The following TRIM3 variants were observed in gnomAD, a reference collection of about 807,000 sequenced individuals.
TRIM3 encodes tripartite motif containing 3, also known as tripartite motif-containing protein 3.
In TRIM3, 13 loss-of-function variants were observed where a neutral mutation model predicts 66.6. The observed-to-expected ratio is 0.20, with a 90% CI of 0.13 to 0.31. The LOEUF (loss-of-function observed/expected upper bound fraction) is 0.31, where lower values mean the gene tolerates loss of function less well. Among genes scored for constraint, TRIM3 ranks in the 10% least tolerant of loss-of-function variants. TRIM3 has a pLI of 1.00. For missense variants in TRIM3, 711 were observed against 1,020.4 expected (o/e 0.70, Z 4.13); for synonymous variants, 406 against 411.7 (o/e 0.99, Z 0.17).
In TRIM3 at chr11:6,458,482, A is replaced by G. The variant is rs1850090417; in HGVS notation, c.132-186T>C. On this transcript the variant is annotated intron_variant, in intron 2 of 11. Coordinates refer to ENST00000345851, the MANE Select transcript of TRIM3 (RefSeq NM_033278.4). This position sits in a 1 kb window ranked among gnomAD's most constrained non-coding sequence, Gnocchi z 6.2. ...ATGGCCTTGCCCCTTACAACTGAGT[A>G]GGAACACACCCCGACCCCTCTCAGA... The G allele has an allele frequency of 1.7e-6, 1 of 590,800 alleles. No homozygotes were observed. The highest frequency in any genetic ancestry group is 2.1e-5 in the South Asian group (1 of 47,798). 36.6% of individuals were successfully genotyped at this position (590,800 alleles called of 1,614,324 possible). A position where few individuals can be genotyped will look rare whatever the true frequency, so the allele number is the denominator to read the frequency against.
At chr11:6,453,612 T>C (rs538125090) in intron 7 of TRIM3, among the ~76,000 whole-genome samples, 58 of 152,322 alleles carry the variant, frequency 3.8e-4, no homozygotes, top group Non-Finnish European at 6.3e-4. Flanking sequence ...AAGAATGTGA[T>C]TTAACATTCT....
In TRIM3 at chr11:6,450,857, G is replaced by A. The variant is rs747521044; in HGVS notation, c.1870+35C>T. On this transcript the variant is annotated intron_variant, in intron 9 of 11. Transcript: ENST00000345851. The surrounding 1 kb of genome is among the most constrained non-coding windows in gnomAD (Gnocchi z 4.8). ...TCTAGGGGAGTTCTCTGGAACAGGG[G>A]TATCAGCATAGATCTTGGAGCTGTC... 1 of 1,611,558 alleles carries A rather than the reference G, an allele frequency of 6.2e-7. No homozygotes were observed. Among genetic ancestry groups the A allele is most frequent in the Non-Finnish European group, 8.5e-7 (1 of 1,178,164 alleles).
At chr11:6,471,809 A>G (rs887992612) in intron 1 of TRIM3, among the ~76,000 whole-genome samples, 1 of 152,198 alleles carries the variant, frequency 6.6e-6, no homozygotes, top group African/African-American at 2.4e-5. Context: ...TGAGAGACAA[A>G]TAGGACATTG....
At chr11:6,472,740 A>G (rs1415708489) in intron 1 of TRIM3, among the ~76,000 whole-genome samples, 1 of 152,204 alleles carries the variant, frequency 6.6e-6, no homozygotes, top group Non-Finnish European at 1.5e-5. Flanking sequence ...ACAAGTGAAT[A>G]AAGTCCCAAG....
rs746833836 is a variant in TRIM3, at chr11:6,456,040, T to C, written c.1533+32A>G. 3.4e-5 allele frequency: 55 copies of C among 1,598,874 alleles called. 1 individual carries two copies. The South Asian group carries it at 5.4e-4, about 16-fold the overall frequency. Reference sequence around the variant, plus strand: ...GCCTGTAGCTTGAAAACTCTTATTTTGGTGGTGGAGGAGAGCGGTAAAGGT... The same window carrying C: ...GCCTGTAGCTTGAAAACTCTTATTTCGGTGGTGGAGGAGAGCGGTAAAGGT... On this transcript the variant is annotated intron_variant, in intron 7 of 11. Coordinates refer to ENST00000345851, the MANE Select transcript of TRIM3 (RefSeq NM_033278.4). This position sits in a 1 kb window ranked among gnomAD's most constrained non-coding sequence, Gnocchi z 6.4.
chr11:6,455,190 T>C (rs1849910998), intron 7 of TRIM3, among the ~76,000 whole-genome samples: 1 of 152,054 alleles, frequency 6.6e-6, no homozygotes, highest in African/African-American at 2.4e-5. Context: ...ACATCAGAAG[T>C]TTCACTAGAT....
intron 1 of TRIM3, among the ~76,000 whole-genome samples, chr11:6,466,806 C>G (rs1312212563): frequency 2.6e-5 from 4 of 152,168 alleles, no homozygotes; most frequent in Non-Finnish European, 5.9e-5. Flanking sequence ...TGCTCTACCT[C>G]TGTGTCCCTC....
In TRIM3 at chr11:6,450,484, G is replaced by T. The variant is rs1466866448; in HGVS notation, c.1941+67C>A. 2.2e-6 allele frequency: 3 copies of T among 1,371,060 alleles called. No homozygotes were observed. Among genetic ancestry groups the T allele is most frequent in the South Asian group, 2.3e-5 (2 of 86,062 alleles). The allele number at this position is 1,371,060 out of a possible 1,614,324, so 84.9% of individuals were successfully genotyped here. On this transcript the variant is annotated intron_variant, in intron 10 of 11. Coordinates refer to ENST00000345851, the MANE Select transcript of TRIM3 (RefSeq NM_033278.4). This position sits in a 1 kb window ranked among gnomAD's most constrained non-coding sequence, Gnocchi z 4.8. Reference sequence around the variant, plus strand: ...AAGGGGAAAAGGAGGAGGTAAAATAGAGAGGAGTCTTGTGGAAGAGGAAAG... The same window carrying T: ...AAGGGGAAAAGGAGGAGGTAAAATATAGAGGAGTCTTGTGGAAGAGGAAAG...
chr11:6,457,955 A>G lies in TRIM3; in HGVS notation c.364-108T>C. 2 of 1,548,378 alleles carry G rather than the reference A, an allele frequency of 1.3e-6. No individual in the cohort carries two copies. The highest frequency in any genetic ancestry group is 1.8e-6 in the Non-Finnish European group (2 of 1,140,546). On this transcript the variant is annotated intron_variant, in intron 3 of 11. Coordinates refer to ENST00000345851, the MANE Select transcript of TRIM3 (RefSeq NM_033278.4). This position sits in a 1 kb window ranked among gnomAD's most constrained non-coding sequence, Gnocchi z 4.5. ...CCTTCTAAGTGCACCCCCTACCTGG[A>G]CCACTAATCCAGAGCAGTACCCTGT...
chr11:6,474,390 T>G (rs565941351), upstream of TRIM3: 14 of 152,256 alleles, frequency 9.2e-5, no homozygotes, highest in African/African-American at 3.4e-4. Context: ...CAGGAAGACG[T>G]AGAAACCGTC....
At chr11:6,469,248 G>A (rs1049999176) in intron 1 of TRIM3, among the ~76,000 whole-genome samples, 11 of 152,164 alleles carry the variant, frequency 7.2e-5, no homozygotes, top group African/African-American at 9.7e-5. Flanking sequence ...TCCAAGCCTA[G>A]GGGCTCTCCC....
chr11:6,450,869 A>T lies in TRIM3; in HGVS notation c.1870+23T>A. 12 of 1,613,668 alleles carry T rather than the reference A, an allele frequency of 7.4e-6. No homozygotes were observed. The highest frequency in any genetic ancestry group is 1.0e-5 in the Non-Finnish European group (12 of 1,179,748). ...CTCTGGAACAGGGGTATCAGCATAG[A>T]TCTTGGAGCTGTCCCCCTATACCTG... On this transcript the variant is annotated intron_variant, in intron 9 of 11. Coordinates refer to ENST00000345851, the MANE Select transcript of TRIM3 (RefSeq NM_033278.4). This position sits in a 1 kb window ranked among gnomAD's most constrained non-coding sequence, Gnocchi z 4.8.
chr11:6,470,248 G>A (rs953597376), intron 1 of TRIM3, among the ~76,000 whole-genome samples: 1 of 152,202 alleles, frequency 6.6e-6, no homozygotes, highest in Non-Finnish European at 1.5e-5. Flanking sequence ...CAATTTTGCA[G>A]GGGGATATCA....
In TRIM3 at chr11:6,448,992, C is replaced by G. The variant is rs775709454; in HGVS notation, c.*36G>C. 5.6e-6 allele frequency: 9 copies of G among 1,610,012 alleles called. No individual in the cohort carries two copies. The highest frequency in any genetic ancestry group is 2.2e-5 in the East Asian group (1 of 44,736). On this transcript the variant is annotated 3_prime_UTR_variant, in exon 12 of 12. Coordinates refer to ENST00000345851, the MANE Select transcript of TRIM3 (RefSeq NM_033278.4). The stretch of plus-strand genomic sequence containing the variant: ...CCCTCTTGTCCAATCACCCCAATGT[C>G]TGTCCCTCCACAAGCCAGGCAGGGC...
At position 6,456,368 on chromosome 11, in the gene TRIM3, G is replaced by C. The variant is rs2134177911; in HGVS notation, c.1358C>G (p.Pro453Arg). ...SHVRQKAVRR[P>R]SSMYSTGGKR... Reference sequence around the variant, plus strand: ...GCCGCCTGTGCTGTACATGGAGCTGGGCCTACGCACTGCCTTCTGGCGCAC... The same window carrying C: ...GCCGCCTGTGCTGTACATGGAGCTGCGCCTACGCACTGCCTTCTGGCGCAC... The change falls in exon 6 of 12, where the codon CCC becomes CGC. Residue 453 changes from proline to arginine, a missense_variant. This residue lies in a region of TRIM3 where 399 missense variants were observed against 458.1 expected (regional missense o/e 0.87). Transcript: ENST00000345851. The surrounding 1 kb of genome is among the most constrained non-coding windows in gnomAD (Gnocchi z 6.4). 1 of 1,533,124 alleles carries C rather than the reference G, an allele frequency of 6.5e-7. No individual in the cohort carries two copies. The highest frequency in any genetic ancestry group is 8.8e-7 in the Non-Finnish European group (1 of 1,137,728). The allele number at this position is 1,533,124 out of a possible 1,614,324, so 95.0% of individuals were successfully genotyped here.
In TRIM3 at chr11:6,460,333, C is replaced by G. The variant is rs138963805; in HGVS notation, c.132-2037G>C. 2.7e-3 allele frequency among the ~76,000 whole-genome samples: 411 copies of G among 152,182 alleles called. 2 individuals carry two copies. Among genetic ancestry groups the G allele is most frequent in the African/African-American group, 8.8e-3 (367 of 41,514 alleles). ...TGAGTGAAGGGGAGCTTGAAAGTTC[C>G]AATGAGGAGCTGGTTGAGGGGTTGG... On this transcript the variant is annotated intron_variant, in intron 2 of 11. Coordinates refer to ENST00000345851, the MANE Select transcript of TRIM3 (RefSeq NM_033278.4).
At chr11:6,469,198 G>A (rs1222305131) in intron 1 of TRIM3, among the ~76,000 whole-genome samples, 1 of 152,164 alleles carries the variant, frequency 6.6e-6, no homozygotes, top group Non-Finnish European at 1.5e-5. Context: ...GTGGTCTGCT[G>A]GGTCCTGCTG....
intron 1 of TRIM3, among the ~76,000 whole-genome samples, chr11:6,469,790 AG>A (rs1850610346): frequency 6.6e-6 from 1 of 152,180 alleles, no homozygotes; most frequent in South Asian, 2.1e-4. Context: ...AGGAGTACAA[AG>A]GTTACCTAAC....
Position 6,456,127 on chromosome 11 carries a change from G to A in TRIM3, c.1478C>T (p.Ser493Phe). The A allele has an allele frequency of 6.2e-7, 1 of 1,614,166 alleles. No individual in the cohort carries two copies. The highest frequency in any genetic ancestry group is 8.5e-7 in the Non-Finnish European group (1 of 1,180,032). The change falls in exon 7 of 12, where the codon TCC (serine) becomes TTC (phenylalanine). Residue 493 changes from serine (S) to phenylalanine (F), a missense_variant. This residue lies in a region of TRIM3 where 399 missense variants were observed against 458.1 expected (regional missense o/e 0.87). Transcript: ENST00000345851. The surrounding 1 kb of genome is among the most constrained non-coding windows in gnomAD (Gnocchi z 6.4). ...CACGATGCGGCCGCTGCTGGCTGCG[G>A]ACACACCTTGTAAATTGGTGAATTC... ...KGEFTNLQGVSAASSGRIVVA... is the reference protein window; with the variant it reads ...KGEFTNLQGVFAASSGRIVVA...
Sources: gnomAD v4.1 joint callset for allele counts (sites outside exome capture counted in the v4.1 genomes callset) on GRCh38, gnomAD v4.1.1 for gene constraint, gnomAD v4.1.1 regional missense constraint, Gnocchi (gnomAD v3.1) non-coding constraint, MANE v1.5 for transcripts, NCBI Gene and HGNC (gene_info 2026-07-23, HGNC 2026-07-21) for gene names.